COL24A1: variants seen among roughly 807,000 people sequenced by gnomAD.
The protein encoded by COL24A1 is collagen type XXIV alpha 1 chain.
Under a neutral mutation model 253.9 loss-of-function variants are expected in COL24A1, and 224 were observed. That is an observed-to-expected ratio of 0.88 (90% CI 0.79 to 0.99). The LOEUF is 0.99. Among genes scored for constraint, COL24A1 ranks in the 50% least tolerant of loss-of-function variants. The probability of loss-of-function intolerance (pLI) is 0.00; values close to 1 mark genes in which losing one functional copy is unlikely to be tolerated. For synonymous variants in COL24A1, 685 were observed against 673.7 expected (o/e 1.02, Z -0.26); for missense variants, 2,131 against 2,068.5 (o/e 1.03, Z -0.59).
chr1:86,117,405 C>G (rs11579660), intron 3 of COL24A1, among the ~76,000 whole-genome samples: 1 of 152,208 alleles, frequency 6.6e-6, no homozygotes, highest in Admixed American at 6.5e-5. Context: ...AACTACCAAA[C>G]ATGCCAGCAC....
chr1:86,084,907 C>A (rs77059648), intron 7 of COL24A1, among the ~76,000 whole-genome samples: 12 of 152,008 alleles, frequency 7.9e-5, no homozygotes, highest in African/African-American at 2.9e-4. Flanking sequence ...CCCCAAGCAG[C>A]GGCATTTGTA....
intron 12 of COL24A1, 55 bp downstream of exon 12, chr1:86,046,770 C>T: frequency 1.9e-6 from 3 of 1,592,962 alleles, no homozygotes; most frequent in East Asian, 2.2e-5. Flanking sequence ...AGTAAGAACA[C>T]ATAACCAGGT....
chr1:86,026,719 T>G (rs1370244384), intron 14 of COL24A1, among the ~76,000 whole-genome samples: 1 of 152,206 alleles, frequency 6.6e-6, no homozygotes, highest in East Asian at 1.9e-4. Flanking sequence ...GTTGCTGCTA[T>G]AAAGATACCT....
chr1:85,867,580 GAAGTA>G (rs1679935817), intron 37 of COL24A1, among the ~76,000 whole-genome samples: 2 of 152,172 alleles, frequency 1.3e-5, no homozygotes, highest in South Asian at 4.1e-4. Context: ...AACATTTACA[GAAGTA>G]AAGACAATAA....
intron 58 of COL24A1, among the ~76,000 whole-genome samples, chr1:85,736,949 G>A (rs1347617789): frequency 1.6e-4 from 25 of 152,120 alleles, no homozygotes; most frequent in Admixed American, 1.6e-3. Flanking sequence ...TTCTGTGGAT[G>A]TTTAAGAAAG....
intron 47 of COL24A1, among the ~76,000 whole-genome samples, chr1:85,808,543 C>T (rs1032463601): frequency 4.6e-5 from 7 of 152,178 alleles, no homozygotes; most frequent in Admixed American, 4.6e-4. Context: ...TAGCTCAGTG[C>T]TATGTCAACT....
intron 37 of COL24A1, among the ~76,000 whole-genome samples, chr1:85,855,446 T>C (rs1678311574): frequency 6.6e-6 from 1 of 152,184 alleles, no homozygotes; most frequent in Non-Finnish European, 1.5e-5. Context: ...ATTGAAAGCT[T>C]TTTCTGTACC....
chr1:85,760,199 A>C (rs1241073814), intron 55 of COL24A1, among the ~76,000 whole-genome samples: 1 of 151,688 alleles, frequency 6.6e-6, no homozygotes, highest in Non-Finnish European at 1.5e-5. Flanking sequence ...CAGCCTCCTG[A>C]GTAGCTGGGA....
rs11161705 is a variant in COL24A1 at position 85,906,581 on chromosome 1, C to G, written c.2778+613G>C. Among the ~76,000 whole-genome samples the G allele has an allele frequency of 1.2e-3, 183 of 151,720 alleles. 1 individual carries two copies. The highest frequency in any genetic ancestry group is 4.2e-3 in the African/African-American group (173 of 41,438). On this transcript the variant is annotated intron_variant, in intron 28 of 59. Coordinates refer to ENST00000370571, the MANE Select transcript of COL24A1 (RefSeq NM_152890.7). Reference sequence around the variant, plus strand: ...GCTAAGATATAATATTTTTCTCTCTCTAGTGGTTTTGAGTATTGAGATAAT... The same window carrying G: ...GCTAAGATATAATATTTTTCTCTCTGTAGTGGTTTTGAGTATTGAGATAAT...
At chr1:85,866,962 C>T (rs2795038) in intron 37 of COL24A1, among the ~76,000 whole-genome samples, 62,219 of 151,544 alleles carry the variant, frequency 0.41, 13,189 homozygotes, top group South Asian at 0.59. Flanking sequence ...TCTTATACTT[C>T]TGGTTTATCT....
Position 86,017,214 on chromosome 1 carries a change from G to T in COL24A1, c.2257-10C>A, listed in dbSNP as rs200474145. 51 of 1,553,778 alleles carry T rather than the reference G, an allele frequency of 3.3e-5. 1 individual carries two copies. The highest frequency in any genetic ancestry group is 7.2e-5 in the African/African-American group (5 of 69,668). On this transcript the variant is annotated splice_polypyrimidine_tract_variant and intron_variant, in intron 18 of 59. Coordinates refer to ENST00000370571, the MANE Select transcript of COL24A1 (RefSeq NM_152890.7). ...GGTCACCTGTTTGGCCCTAAAATGG[G>T]GGGGGAGGATCAAAGTATAAACATA...
intron 7 of COL24A1, among the ~76,000 whole-genome samples, chr1:86,080,874 ATCC>A (rs1402641059): frequency 6.6e-6 from 1 of 152,106 alleles, no homozygotes; most frequent in Non-Finnish European, 1.5e-5. Context: ...TTATACACAG[ATCC>A]TCCTCACTTT....
intron 32 of COL24A1, among the ~76,000 whole-genome samples, chr1:85,880,513 T>C (rs972874091): frequency 6.6e-6 from 1 of 152,214 alleles, no homozygotes; most frequent in African/African-American, 2.4e-5. Context: ...CTTTTTCTTT[T>C]CTTTTCTTAT....
chr1:85,744,464 A>T (rs1664988736), intron 57 of COL24A1, among the ~76,000 whole-genome samples: 1 of 151,992 alleles, frequency 6.6e-6, no homozygotes, highest in African/African-American at 2.4e-5. Context: ...ACAAAATATA[A>T]GCAAATGATA....
chr1:85,957,575 G>A (rs1003753702), intron 24 of COL24A1, among the ~76,000 whole-genome samples: 5 of 152,124 alleles, frequency 3.3e-5, no homozygotes, highest in Admixed American at 2.6e-4. Context: ...GCACACTGGA[G>A]ACTGACTAGG....
intron 7 of COL24A1, among the ~76,000 whole-genome samples, chr1:86,087,456 T>C (rs547007638): frequency 1.2e-4 from 19 of 152,284 alleles, no homozygotes; most frequent in African/African-American, 4.3e-4. Flanking sequence ...TTTTTGTCTA[T>C]GAATAATATT....
At position 86,114,370 on chromosome 1, in the gene COL24A1, A is replaced by C. The variant is rs191628808; in HGVS notation, c.1545+955T>G. On this transcript the variant is annotated intron_variant, in intron 4 of 59. Coordinates refer to ENST00000370571, the MANE Select transcript of COL24A1 (RefSeq NM_152890.7). The stretch of plus-strand genomic sequence containing the variant: ...TGAACCTGAAGTTCATGCTGTTGAG[A>C]GTACAACCTTAGCAGTGGATAGGGA... Among the ~76,000 whole-genome samples, 27 of 152,370 alleles carry C rather than the reference A, an allele frequency of 1.8e-4. No homozygotes were observed. In the East Asian group the frequency reaches 4.2e-3, roughly 24 times the overall value.
intron 47 of COL24A1, among the ~76,000 whole-genome samples, chr1:85,790,714 C>T (rs902026895): frequency 2.6e-5 from 4 of 151,916 alleles, no homozygotes; most frequent in East Asian, 3.9e-4. Flanking sequence ...AAGTGGACTT[C>T]GAATATTGTA....
chr1:85,988,324 T>G (rs1313907520), intron 19 of COL24A1, among the ~76,000 whole-genome samples: 1 of 151,998 alleles, frequency 6.6e-6, no homozygotes, highest in Non-Finnish European at 1.5e-5. Context: ...AGAATCATGA[T>G]TTTACTTTTT....
Sources: gnomAD v4.1 joint callset for allele counts (sites outside exome capture counted in the v4.1 genomes callset) on GRCh38, gnomAD v4.1.1 for gene constraint, MANE v1.5 for transcripts, NCBI Gene and HGNC (gene_info 2026-07-23, HGNC 2026-07-21) for gene names.